The following SESTD1 variants were observed in gnomAD, a reference collection of about 807,000 sequenced individuals.
SESTD1 encodes SEC14 domain and spectrin repeat-containing protein 1.
In SESTD1, 43 loss-of-function variants were observed where a neutral mutation model predicts 101.7. The ratio of observed to expected loss-of-function variants is 0.42; its 90% CI spans 0.33 to 0.55. The LOEUF (loss-of-function observed/expected upper bound fraction) is 0.55. Ranked by LOEUF, SESTD1 falls within the 20% of genes least tolerant of loss-of-function variation. The pLI is 0.07. For synonymous variants in SESTD1, 283 were observed against 286.8 expected (o/e 0.99, Z 0.13); for missense variants, 647 against 815.1 (o/e 0.79, Z 2.51).
intron 10 of SESTD1, chr2:179,132,038 T>G (rs1318019254): frequency 3.9e-6 from 1 of 253,922 alleles, no homozygotes; most frequent in Non-Finnish European, 7.4e-6. Flanking sequence ...CACTCTTTTT[T>G]CTGTCACTGT....
At chr2:179,137,996 T>G (rs1185034853) in intron 9 of SESTD1, among the ~76,000 whole-genome samples, 1 of 152,166 alleles carries the variant, frequency 6.6e-6, no homozygotes, top group Non-Finnish European at 1.5e-5. Context: ...TAGTAATCAT[T>G]TTCGCAAGGG....
chr2:179,224,056 A>G (rs569507577), intron 1 of SESTD1, among the ~76,000 whole-genome samples: 8 of 152,286 alleles, frequency 5.3e-5, no homozygotes, highest in African/African-American at 1.9e-4. Flanking sequence ...TTAAAATGAT[A>G]TTATTTTGTA....
At chr2:179,181,126 T>A (rs2046100249) in intron 3 of SESTD1, among the ~76,000 whole-genome samples, 1 of 152,150 alleles carries the variant, frequency 6.6e-6, no homozygotes, top group African/African-American at 2.4e-5. Context: ...ATATGCACAT[T>A]TACATGAGAA....
rs142340445 is a variant in SESTD1 at position 179,248,344 on chromosome 2, T to C, written c.-26+16155A>G. ...AGCCCAGGTGGAGAAGTCAACAAAATACTTTAAAAGGAATTAACACCAATT... is the reference window on the plus strand; with the variant it reads ...AGCCCAGGTGGAGAAGTCAACAAAACACTTTAAAAGGAATTAACACCAATT... On this transcript the variant is annotated intron_variant, in intron 1 of 17. Coordinates refer to ENST00000428443, the MANE Select transcript of SESTD1 (RefSeq NM_178123.5). Among the ~76,000 whole-genome samples, 220 of 152,062 alleles carry C rather than the reference T, an allele frequency of 1.4e-3. 1 individual carries two copies. Among genetic ancestry groups the C allele is most frequent in the African/African-American group, 5.1e-3 (210 of 41,494 alleles).
chr2:179,229,020 T>A (rs553840171), intron 1 of SESTD1, among the ~76,000 whole-genome samples: 4 of 151,934 alleles, frequency 2.6e-5, no homozygotes, highest in Non-Finnish European at 5.9e-5. Flanking sequence ...AGACCACTCA[T>A]AGATGAGAGA....
chr2:179,193,128 A>C (rs2046342352), intron 1 of SESTD1, among the ~76,000 whole-genome samples: 1 of 152,212 alleles, frequency 6.6e-6, no homozygotes, highest in Non-Finnish European at 1.5e-5. Flanking sequence ...AGTCTTTAAA[A>C]AACAAACAAA....
chr2:179,263,236 A>AAGAC (rs1467395683), intron 1 of SESTD1, among the ~76,000 whole-genome samples: 1 of 152,232 alleles, frequency 6.6e-6, no homozygotes, highest in African/African-American at 2.4e-5. Flanking sequence ...TCCTAGAACA[A>AAGAC]AGACGTATTT....
At chr2:179,262,693 G>C (rs2047499818) in intron 1 of SESTD1, among the ~76,000 whole-genome samples, 2 of 152,146 alleles carry the variant, frequency 1.3e-5, no homozygotes, top group African/African-American at 4.8e-5. Flanking sequence ...TTCATTTTTA[G>C]AGAGTGGAAA....
chr2:179,153,411 G>A (rs1178073400), intron 5 of SESTD1, among the ~76,000 whole-genome samples: 1 of 152,126 alleles, frequency 6.6e-6, no homozygotes, highest in East Asian at 1.9e-4. Flanking sequence ...GAGAGAAAAA[G>A]CATCCTTACA....
chr2:179,235,525 T>C (rs967736282), intron 1 of SESTD1, among the ~76,000 whole-genome samples: 5 of 152,220 alleles, frequency 3.3e-5, no homozygotes, highest in African/African-American at 1.2e-4. Context: ...CACATACGTA[T>C]TATAAAAACC....
At chr2:179,229,790 C>A (rs1222649271) in intron 1 of SESTD1, among the ~76,000 whole-genome samples, 1 of 119,856 alleles carries the variant, frequency 8.3e-6, no homozygotes, top group African/African-American at 3.0e-5. Flanking sequence ...AATACACACA[C>A]ACACACACAC....
chr2:179,185,899 T>C (rs891650975), intron 2 of SESTD1, among the ~76,000 whole-genome samples: 1 of 135,192 alleles, frequency 7.4e-6, no homozygotes, highest in African/African-American at 2.7e-5. Flanking sequence ...TACAATATAG[T>C]ATATTATATA....
chr2:179,185,603 CATAT>C (rs2046205945), intron 2 of SESTD1, among the ~76,000 whole-genome samples: 1 of 123,566 alleles, frequency 8.1e-6, no homozygotes, highest in Non-Finnish European at 1.6e-5. Flanking sequence ...ATATTATATA[CATAT>C]ATAACACTAT....
At position 179,124,454 on chromosome 2, in the gene SESTD1, A is replaced by C; in HGVS notation, c.1077T>G (p.Leu359=). 6.2e-7 allele frequency: 1 copy of C among 1,614,098 alleles called. No homozygotes were observed. The highest frequency in any genetic ancestry group is 8.5e-7 in the Non-Finnish European group (1 of 1,179,976). Residue 359 remains leucine, a synonymous_variant, in exon 11 of 18, where the codon CTT becomes CTG. Transcript: ENST00000428443. ...TGGCCTGTCGATAACAAACATCACT[A>C]AGTTGTTGCTGCAGTGACTTTAGTT... ...LVELKSLQQQ[L]SDVCYRQASQ...
At chr2:179,138,365 C>A (rs1003300071) in intron 9 of SESTD1, among the ~76,000 whole-genome samples, 16 of 152,190 alleles carry the variant, frequency 1.1e-4, no homozygotes, top group African/African-American at 3.9e-4. Flanking sequence ...GTGCCTGAAC[C>A]TCAACAGCCA....
intron 13 of SESTD1, among the ~76,000 whole-genome samples, chr2:179,118,685 A>G (rs926254950): frequency 1.3e-5 from 2 of 152,204 alleles, no homozygotes; most frequent in Non-Finnish European, 2.9e-5. Flanking sequence ...CTAAAAAACA[A>G]TGTAGGCCAC....
At chr2:179,113,685 GT>G (rs1209580094) in intron 16 of SESTD1, among the ~76,000 whole-genome samples, 1 of 151,986 alleles carries the variant, frequency 6.6e-6, no homozygotes, top group Non-Finnish European at 1.5e-5. Flanking sequence ...TTTGCTTATA[GT>G]TGTGGTTATT....
At position 179,107,159 on chromosome 2, in the gene SESTD1, C is replaced by G. The variant is rs2044402580; in HGVS notation, c.*2740G>C. The G allele has an allele frequency of 6.6e-6, 1 of 152,098 alleles. No homozygotes were observed. The allele number at this position is 152,098 out of a possible 1,614,324, so 9.4% of individuals were successfully genotyped here. A position where few individuals can be genotyped will look rare whatever the true frequency, so the allele number is the denominator to read the frequency against. On this transcript the variant is annotated 3_prime_UTR_variant, in exon 18 of 18. Coordinates refer to ENST00000428443, the MANE Select transcript of SESTD1 (RefSeq NM_178123.5). ...TGTGGTTTCAAACACACTGCAGTCA[C>G]TTTTTTCACACGTTTACCTTAAGTG...
intron 11 of SESTD1, among the ~76,000 whole-genome samples, chr2:179,124,059 AG>A (rs776423760): frequency 1.3e-4 from 20 of 152,218 alleles, no homozygotes; most frequent in Admixed American, 2.6e-4. Flanking sequence ...AATGCAAAAA[AG>A]TATTGAGACT....
Sources: gnomAD v4.1 joint callset for allele counts (sites outside exome capture counted in the v4.1 genomes callset) on GRCh38, gnomAD v4.1.1 for gene constraint, MANE v1.5 for transcripts, NCBI Gene and HGNC (gene_info 2026-07-23, HGNC 2026-07-21) for gene names.